The following GALK2 variants were observed in gnomAD, a reference collection of about 807,000 sequenced individuals.
GALK2 encodes galactokinase 2.
GALK2 carries 36 observed loss-of-function variants against 52.4 expected under a neutral mutation model. The ratio of observed to expected loss-of-function variants is 0.69; its 90% CI spans 0.53 to 0.91. The LOEUF is 0.91. Ranked by LOEUF, GALK2 falls within the 40% of genes least tolerant of loss-of-function variation. The pLI, the probability that GALK2 is intolerant of heterozygous loss-of-function variation, is 0.00. For synonymous variants in GALK2, 176 were observed against 199.1 expected, an observed-to-expected ratio of 0.88 and a Z score of 0.98; for missense variants, 579 against 559.1, an observed-to-expected ratio of 1.04 and a Z score of -0.36.
chr15:49,234,948 G>A (rs2090716915), intron 3 of GALK2, among the ~76,000 whole-genome samples: 1 of 152,058 alleles, frequency 6.6e-6, no homozygotes, highest in Non-Finnish European at 1.5e-5. Context: ...TGTGTTTTTA[G>A]TAGAGACAGG....
rs1232961701 is a variant in GALK2 at position 49,355,075 on chromosome 15, C to T, written c.427-12416C>T. ...TAACAAACAGAAAGGACATCCACAC[C>T]AAAAACCCATCTGTACATCACCATC... On this transcript the variant is annotated intron_variant, in intron 3 of 3. Coordinates refer to the GALK2 transcript ENST00000558399. 4.6e-5 allele frequency among the ~76,000 whole-genome samples: 7 copies of T among 150,546 alleles called. No homozygotes were observed. The South Asian group carries it at 1.3e-3, about 27-fold the overall frequency.
At chr15:49,177,571 T>C (rs1423460297) in intron 1 of GALK2, 1 of 173,728 alleles carries the variant, frequency 5.8e-6, no homozygotes, top group Non-Finnish European at 1.2e-5. Context: ...AATTGTTTTT[T>C]AGGTATCAAC....
chr15:49,191,170 A>G (rs946391871), intron 1 of GALK2, among the ~76,000 whole-genome samples: 5 of 152,162 alleles, frequency 3.3e-5, no homozygotes, highest in Non-Finnish European at 7.4e-5. Flanking sequence ...TTTAATGTTA[A>G]TTTCCTATTA....
chr15:49,328,612 G>T lies in GALK2; in HGVS notation c.*453G>T, dbSNP rs927481555. 1.7e-5 allele frequency: 27 copies of T among 1,590,824 alleles called. No homozygotes were observed. The Admixed American group carries it at 4.7e-4, about 28-fold the overall frequency. On this transcript the variant is annotated 3_prime_UTR_variant, in exon 10 of 10. Transcript: ENST00000560031. ...AAGTTGTAGTTGTCTGTTGATGATGGTGATGATGATGATGATGACGATAGT... is the reference window on the plus strand; with the variant it reads ...AAGTTGTAGTTGTCTGTTGATGATGTTGATGATGATGATGATGACGATAGT...
upstream of GALK2, among the ~76,000 whole-genome samples, chr15:49,166,137 G>C (rs947628123): frequency 6.6e-6 from 1 of 152,090 alleles, no homozygotes; most frequent in Non-Finnish European, 1.5e-5. Context: ...TGATGCTGCT[G>C]TTCTGAGGAC....
chr15:49,173,934 G>T (rs898381510), intron 1 of GALK2, among the ~76,000 whole-genome samples: 2 of 152,034 alleles, frequency 1.3e-5, no homozygotes, highest in Non-Finnish European at 2.9e-5. Flanking sequence ...GTAGAGACAG[G>T]ATTTCACCAT....
Position 49,362,519 on chromosome 15 carries a change from T to C in GALK2, c.427-4972T>C, listed in dbSNP as rs375330549. Among the ~76,000 whole-genome samples the C allele has an allele frequency of 4.6e-5, 7 of 152,216 alleles. No individual in the cohort carries two copies. In the East Asian group the frequency reaches 1.3e-3, roughly 29 times the overall value. ...CTAATACACTTATAGATTCTGGACA[T>C]TGGATCTTTGTCACATGCATAGTTT... On this transcript the variant is annotated intron_variant, in intron 3 of 3. Transcript: ENST00000558399.
intron 3 of GALK2, among the ~76,000 whole-genome samples, chr15:49,339,648 C>T (rs890624675): frequency 3.9e-5 from 6 of 152,326 alleles, no homozygotes; most frequent in African/African-American, 7.2e-5. Flanking sequence ...AGAGCTCTAA[C>T]GCTGTGCTGG....
chr15:49,237,770 C>T (rs763147731), intron 4 of GALK2, among the ~76,000 whole-genome samples: 6 of 152,188 alleles, frequency 3.9e-5, no homozygotes, highest in South Asian at 4.1e-4. Context: ...CCACTGCGCC[C>T]GGCTGATAAG....
rs1174406561 is a variant in GALK2, at chr15:49,228,687, A to ATTTTTTTTT, written c.267-7148_267-7140dup. Among the ~76,000 whole-genome samples the ATTTTTTTTT allele has an allele frequency of 4.9e-4, 7 of 14,274 alleles. 1 individual carries two copies. Among genetic ancestry groups the ATTTTTTTTT allele is most frequent in the African/African-American group, 1.0e-3 (3 of 2,924 alleles). The allele number at this position is 14,274 out of a possible 152,430, so 9.4% of individuals were successfully genotyped here. Reference sequence around the variant, plus strand: ...TATATATATATATATATATATATATATTTTTTTTTTTTTTTTTTTTTTTTG... The same window carrying ATTTTTTTTT: ...TATATATATATATATATATATATATATTTTTTTTTTTTTTTTTTTTTTTTTTTTTTTTTG... On this transcript the variant is annotated intron_variant, in intron 3 of 9. Transcript: ENST00000560031.
At chr15:49,320,534 A>G (rs1302477837) in intron 9 of GALK2, among the ~76,000 whole-genome samples, 1 of 152,250 alleles carries the variant, frequency 6.6e-6, no homozygotes, top group East Asian at 1.9e-4. Context: ...CTCAAACGCT[A>G]GATGTTACTT....
intron 5 of GALK2, among the ~76,000 whole-genome samples, chr15:49,248,929 A>G (rs925073901): frequency 1.3e-5 from 2 of 152,210 alleles, no homozygotes; most frequent in Non-Finnish European, 2.9e-5. Flanking sequence ...CACTGTTGCT[A>G]CAAATTAATA....
At position 49,217,312 on chromosome 15, in the gene GALK2, C is replaced by T. The variant is rs1277873693; in HGVS notation, c.265C>T (p.Pro89Ser). 1 of 1,613,578 alleles carries T rather than the reference C, an allele frequency of 6.2e-7. No individual in the cohort carries two copies. Among genetic ancestry groups the T allele is most frequent in the East Asian group, 2.2e-5 (1 of 44,846 alleles). ...ACTGGCCAATACAAATCCCTTGTAT[C>T]CGTGAGTATTTAAAATTGTTAGTGT... ...LQLANTNPLY[P>S]DFSTSANNIQ... is the part of the protein sequence containing the mutation. Residue 89 changes from proline to serine, a missense_variant and splice_region_variant, in exon 3 of 10, where the codon CCG (proline) becomes TCG (serine). Coordinates refer to ENST00000560031, the MANE Select transcript of GALK2 (RefSeq NM_002044.4).
intron 7 of GALK2, among the ~76,000 whole-genome samples, chr15:49,287,168 A>C (rs2033459410): frequency 6.6e-6 from 1 of 152,212 alleles, no homozygotes; most frequent in Non-Finnish European, 1.5e-5. Context: ...ATGTTTTCTC[A>C]GTTTAACTGC....
intron 5 of GALK2, among the ~76,000 whole-genome samples, chr15:49,277,947 G>C (rs1419144479): frequency 2.6e-5 from 4 of 152,066 alleles, no homozygotes; most frequent in African/African-American, 9.7e-5. Flanking sequence ...CCCTGCCCCT[G>C]TAAGTAGACC....
At chr15:49,156,251 G>C in intron 1 of GALK2, 1 of 537,134 alleles carries the variant, frequency 1.9e-6, no homozygotes. Context: ...CAGCCCTTGG[G>C]ACCAAATTAA....
At chr15:49,191,195 A>G (rs566399805) in intron 1 of GALK2, among the ~76,000 whole-genome samples, 1 of 151,638 alleles carries the variant, frequency 6.6e-6, no homozygotes, top group East Asian at 2.0e-4. Context: ...AGGAATAGGG[A>G]AAAAAATAAT....
At position 49,260,706 on chromosome 15, in the gene GALK2, C is replaced by A. The variant is rs1246850826; in HGVS notation, c.505-21281C>A. 2.6e-5 allele frequency among the ~76,000 whole-genome samples: 4 copies of A among 151,484 alleles called. No homozygotes were observed. In the South Asian group the frequency reaches 8.4e-4, roughly 32 times the overall value. On this transcript the variant is annotated intron_variant, in intron 5 of 9. Coordinates refer to ENST00000560031, the MANE Select transcript of GALK2 (RefSeq NM_002044.4). The stretch of plus-strand genomic sequence containing the variant: ...AGGGTTTTTATGGTTTTAGGTCTAA[C>A]GTTTAAGTCTTTAATCCATCTTGAA...
chr15:49,171,045 T>TTCTTG (rs1391060992), intron 1 of GALK2, among the ~76,000 whole-genome samples: 1 of 150,772 alleles, frequency 6.6e-6, no homozygotes, highest in East Asian at 1.9e-4. Flanking sequence ...TTCTTTTCTT[T>TTCTTG]TCTTTCTTCC....
Sources: gnomAD v4.1 joint callset for allele counts (sites outside exome capture counted in the v4.1 genomes callset) on GRCh38, gnomAD v4.1.1 for gene constraint, MANE v1.5 for transcripts, NCBI Gene and HGNC (gene_info 2026-07-23, HGNC 2026-07-21) for gene names.